The following BAP1 variants were observed in gnomAD, a reference collection of about 807,000 sequenced individuals.
The protein encoded by BAP1 is ubiquitin carboxyl-terminal hydrolase BAP1.
In BAP1, 16 loss-of-function variants were observed where a neutral mutation model predicts 77.2. The ratio of observed to expected loss-of-function variants is 0.21; its 90% confidence interval spans 0.14 to 0.31. The LOEUF (loss-of-function observed/expected upper bound fraction) is 0.31, where lower values mean the gene tolerates loss of function less well. BAP1 is among the 10% of genes least tolerant of loss of function. The probability of loss-of-function intolerance (pLI) is 1.00; values close to 1 mark genes in which losing one functional copy is unlikely to be tolerated. For missense variants in BAP1, 699 were observed against 967.3 expected (o/e 0.72, Z 3.68); for synonymous variants, 362 against 385.2 (o/e 0.94, Z 0.71).
chr3:52,408,383 A>C (rs2153228217), intron 4 of BAP1, 91 bp downstream of exon 4: 2 of 1,541,254 alleles, frequency 1.3e-6, no homozygotes, highest in Non-Finnish European at 1.8e-6. Flanking sequence ...GAATCTGCCT[A>C]TCTCCTCCTC....
chr3:52,408,639 C>T (rs754724029), intron 3 of BAP1, 33 bp from the exon 4 acceptor site: 10 of 1,599,336 alleles, frequency 6.3e-6, no homozygotes, highest in Non-Finnish European at 8.5e-6. Flanking sequence ...CCAGATCAGC[C>T]AAAGGGGAGA....
In BAP1 at chr3:52,403,610, C is replaced by T. The variant is rs778596308; in HGVS notation, c.1535G>A (p.Arg512His). 5 of 1,614,098 alleles carry T rather than the reference C, an allele frequency of 3.1e-6. No homozygotes were observed. The highest frequency in any genetic ancestry group is 4.2e-6 in the Non-Finnish European group (5 of 1,180,012). The change falls in exon 13 of 17, where the codon CGC (arginine) becomes CAC (histidine). Residue 512 changes from arginine (R) to histidine (H), a missense_variant. Physicochemically the swap from Arg to His is conservative, Grantham distance 29. This residue lies in a region of BAP1 where 475 missense variants were observed against 532.4 expected (regional missense o/e 0.89). Coordinates refer to ENST00000460680, the MANE Select transcript of BAP1 (RefSeq NM_004656.4). This position sits in a 1 kb window ranked among gnomAD's most constrained non-coding sequence, Gnocchi z 4.0. ...GGAGGGCCGCGTCGGGTTGGCTGAG[C>T]GGATAGGCGAGCGCAGTGGCGAGTT... is the stretch of plus-strand genomic sequence containing the variant. ...AFNSPLRSPI[R>H]SANPTRPSSP... is the part of the protein sequence containing the mutation.
chr3:52,407,833 TAAAC>T, intron 5 of BAP1, 121 bp downstream of exon 5: 1 of 1,458,734 alleles, frequency 6.9e-7, no homozygotes, highest in Non-Finnish European at 9.4e-7. Context: ...AAATGTAACA[TAAAC>T]AATCATTTGA....
rs1206867440 is a variant in BAP1 at position 52,401,755 on chromosome 3, A to G, written c.*533T>C. ...TGAAGAGAGAAGACCTGGCTTCCTT[A>G]CAACAGGGACAGGCTGGTGGCTGGG... On this transcript the variant is annotated 3_prime_UTR_variant, in exon 17 of 17. Coordinates refer to ENST00000460680, the MANE Select transcript of BAP1 (RefSeq NM_004656.4). The G allele has an allele frequency of 4.1e-6, 1 of 245,926 alleles. No homozygotes were observed. The highest frequency in any genetic ancestry group is 8.0e-6 in the Non-Finnish European group (1 of 124,874). The allele number at this position is 245,926 out of a possible 1,614,324, so 15.2% of individuals were successfully genotyped here.
rs1705006637 is a variant in BAP1, at chr3:52,402,791, C to T, written c.1971G>A (p.Arg657=). ...AGAAATCACCCACCTTGAACTTCTTCCTCTTCTCTACCTCCTCCTTGAGGC... is the reference window on the plus strand; with the variant it reads ...AGAAATCACCCACCTTGAACTTCTTTCTCTTCTCTACCTCCTCCTTGAGGC... ...EACLKEEVEK[R]KKFKIDDQRR... is the part of the protein sequence containing the mutation. Residue 657 remains arginine, a synonymous_variant, in exon 15 of 17, where the codon AGG becomes AGA. Coordinates refer to ENST00000460680, the MANE Select transcript of BAP1 (RefSeq NM_004656.4). The surrounding 1 kb of genome is among the most constrained non-coding windows in gnomAD (Gnocchi z 5.3). 6.2e-7 allele frequency: 1 copy of T among 1,614,128 alleles called. No individual in the cohort carries two copies. The highest frequency in any genetic ancestry group is 1.1e-5 in the South Asian group (1 of 91,080).
At chr3:52,405,655 A>T (rs887672644) in intron 10 of BAP1, 110 bp downstream of exon 10, 1 of 1,508,554 alleles carries the variant, frequency 6.6e-7, no homozygotes, top group East Asian at 2.4e-5. Context: ...ACGGGGGAAG[A>T]ACACTGCCCA....
chr3:52,407,945 C>T lies in BAP1; in HGVS notation c.375+13G>A, dbSNP rs1705218228. 6.2e-7 allele frequency: 1 copy of T among 1,613,240 alleles called. No homozygotes were observed. Among genetic ancestry groups the T allele is most frequent in the South Asian group, 1.1e-5 (1 of 90,998 alleles). On this transcript the variant is annotated intron_variant, in intron 5 of 16. Transcript: ENST00000460680. ...AGTTGGCTGTGAGCCAGGATGAAGGCACTGCAGCCTACCTCAGGGCTGAAA... is the reference window on the plus strand; with the variant it reads ...AGTTGGCTGTGAGCCAGGATGAAGGTACTGCAGCCTACCTCAGGGCTGAAA...
Position 52,406,680 on chromosome 3 carries a change from G to T in BAP1, c.659+149C>A. On this transcript the variant is annotated intron_variant, in intron 8 of 16. Transcript: ENST00000460680. The surrounding 1 kb of genome is among the most constrained non-coding windows in gnomAD (Gnocchi z 4.6). ...CACAGGCAGCCCAGGCAGGAAATAA[G>T]ACAACAAGTTGAGAACCCATGATCT... 9.8e-7 allele frequency: 1 copy of T among 1,025,350 alleles called. No homozygotes were observed. Among genetic ancestry groups the T allele is most frequent in the Non-Finnish European group, 1.4e-6 (1 of 690,442 alleles). The allele number at this position is 1,025,350 out of a possible 1,614,324, so 63.5% of individuals were successfully genotyped here.
intron 3 of BAP1, among the ~76,000 whole-genome samples, 169 bp downstream of exon 3, chr3:52,409,385 G>T (rs977114197): frequency 2.6e-5 from 4 of 152,242 alleles, no homozygotes; most frequent in African/African-American, 9.6e-5. Flanking sequence ...TGGGAGAAAA[G>T]AAAGTATCAG....
At chr3:52,407,019 T>C in intron 7 of BAP1, 112 bp from the exon 8 acceptor site, 2 of 1,488,632 alleles carry the variant, frequency 1.3e-6, no homozygotes, top group Non-Finnish European at 1.8e-6. Context: ...CAGGAGCTGG[T>C]CGGGCAATAT....
At chr3:52,409,423 C>G in intron 3 of BAP1, 131 bp downstream of exon 3, 7 of 1,258,254 alleles carry the variant, frequency 5.6e-6, no homozygotes, top group Non-Finnish European at 8.2e-6. Context: ...ACTCAGAGAG[C>G]AAGGCTGCTG....
chr3:52,407,589 T>C (rs937809536), intron 5 of BAP1, 129 bp from the exon 6 acceptor site: 35 of 1,320,208 alleles, frequency 2.7e-5, no homozygotes, highest in Non-Finnish European at 3.0e-5. Flanking sequence ...CGAACTTTCT[T>C]AAAAGGCTGG....
At position 52,403,354 on chromosome 3, in the gene BAP1, T is replaced by C. The variant is rs1705032176; in HGVS notation, c.1730-56A>G. The C allele has an allele frequency of 1.9e-6, 3 of 1,612,330 alleles. No homozygotes were observed. Among genetic ancestry groups the C allele is most frequent in the Non-Finnish European group, 2.5e-6 (3 of 1,179,590 alleles). ...GAGTGCAGGACACTTTGTGGTCACT[T>C]GGCCACTTCCCTCCTCCCTCCTGGG... is the stretch of plus-strand genomic sequence containing the variant. On this transcript the variant is annotated intron_variant, in intron 13 of 16. Coordinates refer to ENST00000460680, the MANE Select transcript of BAP1 (RefSeq NM_004656.4). This position sits in a 1 kb window ranked among gnomAD's most constrained non-coding sequence, Gnocchi z 4.0.
intron 5 of BAP1, 127 bp downstream of exon 5, chr3:52,407,831 C>T: frequency 7.0e-7 from 1 of 1,435,136 alleles, no homozygotes; most frequent in South Asian, 1.2e-5. Flanking sequence ...TCAAATGTAA[C>T]ATAAACAATC....
chr3:52,408,371 T>C (rs2153228208), intron 4 of BAP1, 103 bp downstream of exon 4: 1 of 1,520,144 alleles, frequency 6.6e-7, no homozygotes, highest in Non-Finnish European at 8.9e-7. Flanking sequence ...CTACCACCCC[T>C]AGAATCTGCC....
Position 52,406,576 on chromosome 3 carries a change from C to T in BAP1, c.660-200G>A, listed in dbSNP as rs1705167035. 1.1e-6 allele frequency: 1 copy of T among 941,652 alleles called. No individual in the cohort carries two copies. The highest frequency in any genetic ancestry group is 1.6e-5 in the African/African-American group (1 of 61,664). The allele number at this position is 941,652 out of a possible 1,614,324, so 58.3% of individuals were successfully genotyped here. A position where few individuals can be genotyped will look rare whatever the true frequency, so the allele number is the denominator to read the frequency against. ...CCAACAAGCTGTATGAGGGGCCTATCTGGAAGTGAACCAGCAGACCTGGGC... is the reference window on the plus strand; with the variant it reads ...CCAACAAGCTGTATGAGGGGCCTATTTGGAAGTGAACCAGCAGACCTGGGC... On this transcript the variant is annotated intron_variant, in intron 8 of 16. Transcript: ENST00000460680. The surrounding 1 kb of genome is among the most constrained non-coding windows in gnomAD (Gnocchi z 4.6).
Position 52,402,282 on chromosome 3 carries a change from C to G in BAP1, c.*6G>C. On this transcript the variant is annotated 3_prime_UTR_variant, in exon 17 of 17. Transcript: ENST00000460680. The surrounding 1 kb of genome is among the most constrained non-coding windows in gnomAD (Gnocchi z 5.3). ...GAGTGGGCTGCAGAGTCAGGGCCAG[C>G]AGTCCTCACTGGCGCTTGGCCTTGT... 6.2e-7 allele frequency: 1 copy of G among 1,600,902 alleles called. No individual in the cohort carries two copies. Among genetic ancestry groups the G allele is most frequent in the Non-Finnish European group, 8.5e-7 (1 of 1,175,416 alleles).
Position 52,408,500 on chromosome 3 carries a change from C to G in BAP1, c.229G>C (p.Val77Leu). Residue 77 changes from valine (V) to leucine (L), a missense_variant, in exon 4 of 17, where the codon GTG becomes CTG. By Grantham distance (32) the Val-to-Leu change is conservative. Coordinates refer to ENST00000460680, the MANE Select transcript of BAP1 (RefSeq NM_004656.4). ...TGGTGGGCAAAGAACATGTTATTCA[C>G]AATATCATCATCAATCACGGACGTA... ...DDTSVIDDDI[V>L]NNMFFAHQLI... The G allele has an allele frequency of 6.2e-7, 1 of 1,612,182 alleles. No homozygotes were observed. The highest frequency in any genetic ancestry group is 8.5e-7 in the Non-Finnish European group (1 of 1,179,274).
In BAP1 at chr3:52,406,101, C is replaced by T. The variant is rs933117356; in HGVS notation, c.783+152G>A. ...CCTCCCCACTCCAAGTCCCACCTTT[C>T]CCACAATGGGGGCAAAGAAAAGATG... On this transcript the variant is annotated intron_variant, in intron 9 of 16. Coordinates refer to ENST00000460680, the MANE Select transcript of BAP1 (RefSeq NM_004656.4). This position sits in a 1 kb window ranked among gnomAD's most constrained non-coding sequence, Gnocchi z 4.6. The T allele has an allele frequency of 2.6e-6, 4 of 1,518,662 alleles. No homozygotes were observed. In the Admixed American group the frequency reaches 5.3e-5, roughly 20 times the overall value. The allele number at this position is 1,518,662 out of a possible 1,614,324, so 94.1% of individuals were successfully genotyped here.
Sources: gnomAD v4.1 joint callset for allele counts (sites outside exome capture counted in the v4.1 genomes callset) on GRCh38, gnomAD v4.1.1 for gene constraint, gnomAD v4.1.1 regional missense constraint, Gnocchi (gnomAD v3.1) non-coding constraint, MANE v1.5 for transcripts, NCBI Gene and HGNC (gene_info 2026-07-23, HGNC 2026-07-21) for gene names.